Variants in CALCR observed in about 807,000 individuals in gnomAD.
CALCR encodes the protein calcitonin receptor.
A neutral mutation model predicts 59.5 loss-of-function variants in CALCR; 47 were observed. That is an observed-to-expected ratio of 0.79 (90% CI 0.63 to 1.01). The LOEUF is 1.01. CALCR is among the 50% of genes least tolerant of loss of function. The probability of loss-of-function intolerance (pLI) is 0.00; values close to 1 mark genes in which losing one functional copy is unlikely to be tolerated. For missense variants in CALCR, 566 were observed against 597.1 expected (o/e 0.95, Z 0.54); for synonymous variants, 213 against 211.3 (o/e 1.01, Z -0.07).
At chr7:93,447,741 C>A (rs2115746774) in intron 8 of CALCR, among the ~76,000 whole-genome samples, 1 of 152,092 alleles carries the variant, frequency 6.6e-6, no homozygotes, top group Middle Eastern at 3.4e-3. Context: ...TCTTGCCATT[C>A]AGAATGCCTT....
At chr7:93,502,366 C>A (rs1047203345) in intron 2 of CALCR, among the ~76,000 whole-genome samples, 1 of 152,134 alleles carries the variant, frequency 6.6e-6, no homozygotes, top group African/African-American at 2.4e-5. Context: ...ACTTCAAAAT[C>A]TATTTTCTTT....
intron 6 of CALCR, among the ~76,000 whole-genome samples, chr7:93,469,250 C>T (rs780545044): frequency 6.6e-6 from 1 of 151,580 alleles, no homozygotes; most frequent in Non-Finnish European, 1.5e-5. Context: ...GGTTTCTGTG[C>T]CTTTGTTTAA....
At chr7:93,557,584 T>C (rs943418662) in intron 2 of CALCR, among the ~76,000 whole-genome samples, 26 of 151,960 alleles carry the variant, frequency 1.7e-4, no homozygotes, top group African/African-American at 5.3e-4. Context: ...ATTATCACCA[T>C]ATAGAAATTT....
chr7:93,468,916 A>T (rs1030658578), intron 6 of CALCR, 110 bp from the exon 7 acceptor site: 2 of 515,200 alleles, frequency 3.9e-6, no homozygotes, highest in African/African-American at 4.0e-5. Context: ...CCTCCTTTTA[A>T]AAACCTACTA....
At chr7:93,483,733 A>G (rs1374389269) in intron 3 of CALCR, among the ~76,000 whole-genome samples, 4 of 151,652 alleles carry the variant, frequency 2.6e-5, no homozygotes, top group African/African-American at 9.7e-5. Context: ...CAAATATCCT[A>G]CTTATTATAA....
intron 9 of CALCR, among the ~76,000 whole-genome samples, chr7:93,442,539 C>T (rs909960788): frequency 2.0e-5 from 3 of 152,114 alleles, no homozygotes; most frequent in African/African-American, 4.8e-5. Flanking sequence ...ATAAAGTTGG[C>T]GACAATGCCT....
intron 7 of CALCR, among the ~76,000 whole-genome samples, chr7:93,461,480 C>T (rs146889660): frequency 3.0e-4 from 46 of 152,282 alleles, no homozygotes; most frequent in African/African-American, 1.1e-3. Flanking sequence ...TTACCATCTT[C>T]TTAGATCTTA....
At chr7:93,449,420 G>A (rs1373092229) in intron 8 of CALCR, among the ~76,000 whole-genome samples, 3 of 152,006 alleles carry the variant, frequency 2.0e-5, no homozygotes, top group Admixed American at 6.6e-5. Context: ...TTTATTTAAT[G>A]TATATCTAGA....
rs553135819 is a variant in CALCR at position 93,506,580 on chromosome 7, C to T, written c.-26-19573G>A. On this transcript the variant is annotated intron_variant, in intron 2 of 13. Coordinates refer to ENST00000426151, the MANE Select transcript of CALCR (RefSeq NM_001742.4). Reference sequence around the variant, plus strand: ...CAAACAGGATTCTGTTGTTATAACACGCTACCAAATATCCAGATGGCTCAA... The same window carrying T: ...CAAACAGGATTCTGTTGTTATAACATGCTACCAAATATCCAGATGGCTCAA... Among the ~76,000 whole-genome samples the T allele has an allele frequency of 6.6e-5, 10 of 152,046 alleles. No individual in the cohort carries two copies. In the South Asian group the frequency reaches 1.2e-3, roughly 19 times the overall value.
At chr7:93,506,096 T>G (rs1319542100) in intron 2 of CALCR, among the ~76,000 whole-genome samples, 1 of 152,216 alleles carries the variant, frequency 6.6e-6, no homozygotes, top group Non-Finnish European at 1.5e-5. Flanking sequence ...AAGCTGTTCT[T>G]TCTCTTTCTT....
intron 8 of CALCR, among the ~76,000 whole-genome samples, chr7:93,446,277 T>C (rs972022695): frequency 2.6e-5 from 4 of 151,982 alleles, no homozygotes; most frequent in African/African-American, 9.7e-5. Context: ...CTCATGAAAA[T>C]AATTAGAAAT....
intron 8 of CALCR, among the ~76,000 whole-genome samples, chr7:93,448,853 G>T (rs1800054681): frequency 6.6e-6 from 1 of 151,886 alleles, no homozygotes; most frequent in African/African-American, 2.4e-5. Flanking sequence ...AGTAAAAGAG[G>T]TGGCTGACTG....
chr7:93,529,817 AAT>A (rs1788783836), intron 2 of CALCR, among the ~76,000 whole-genome samples: 2 of 152,158 alleles, frequency 1.3e-5, no homozygotes, highest in Admixed American at 1.3e-4. Flanking sequence ...AAATACTTAG[AAT>A]AGTCACTGGA....
At chr7:93,501,146 C>T (rs1801313979) in intron 2 of CALCR, among the ~76,000 whole-genome samples, 1 of 152,020 alleles carries the variant, frequency 6.6e-6, no homozygotes, top group Non-Finnish European at 1.5e-5. Flanking sequence ...AAATAGTTCT[C>T]ATCATAGCAG....
intron 2 of CALCR, among the ~76,000 whole-genome samples, chr7:93,550,413 G>A (rs1031766735): frequency 2.0e-5 from 3 of 148,742 alleles, no homozygotes; most frequent in East Asian, 4.0e-4. Context: ...ACTTGAACCC[G>A]GGAGGCGGAG....
At chr7:93,554,858 A>G (rs1789554703) in intron 2 of CALCR, among the ~76,000 whole-genome samples, 1 of 150,576 alleles carries the variant, frequency 6.6e-6, no homozygotes, top group Non-Finnish European at 1.5e-5. Context: ...TGCACTAGTC[A>G]TGTGCTGAGA....
chr7:93,569,017 TCTCAC>T (rs1364963516), intron 2 of CALCR, among the ~76,000 whole-genome samples: 5 of 152,106 alleles, frequency 3.3e-5, no homozygotes, highest in African/African-American at 1.2e-4. Flanking sequence ...TTCTCTTTCA[TCTCAC>T]CTCTAATTTC....
chr7:93,450,119 A>G (rs1800080891), intron 8 of CALCR, among the ~76,000 whole-genome samples: 1 of 152,022 alleles, frequency 6.6e-6, no homozygotes, highest in African/African-American at 2.4e-5. Context: ...AACATAAAAG[A>G]ACACTTTTCA....
rs911644858 is a variant in CALCR, at chr7:93,426,162, T to G, written c.*194A>C. The G allele has an allele frequency of 1.1e-5, 6 of 536,014 alleles. No individual in the cohort carries two copies. Among genetic ancestry groups the G allele is most frequent in the Non-Finnish European group, 2.0e-5 (6 of 303,798 alleles). 33.2% of individuals were successfully genotyped at this position (536,014 alleles called of 1,614,324 possible). ...GAGTTCACAAGTTGCAGTGGGAGAC[T>G]CCATTCCTAGACTGTCTCCCAAAGC... On this transcript the variant is annotated 3_prime_UTR_variant, in exon 14 of 14. Coordinates refer to ENST00000426151, the MANE Select transcript of CALCR (RefSeq NM_001742.4).
Sources: allele counts gnomAD v4.1 joint callset (sites outside exome capture counted in the v4.1 genomes callset), GRCh38; gene constraint gnomAD v4.1.1; transcripts MANE v1.5; gene names NCBI Gene and HGNC (gene_info 2026-07-23, HGNC 2026-07-21).